GALNT2: variants seen among roughly 807,000 people sequenced by gnomAD.
GALNT2 encodes the protein UDP-GalNAc:polypeptide N-acetylgalactosaminyltransferase 2.
A neutral mutation model predicts 81.4 loss-of-function variants in GALNT2; 31 were observed. The observed-to-expected ratio is 0.38, with a 90% CI of 0.29 to 0.51. The LOEUF (loss-of-function observed/expected upper bound fraction) is 0.51, where lower values mean the gene tolerates loss of function less well. Ranked by LOEUF, GALNT2 falls within the 20% of genes least tolerant of loss-of-function variation. The pLI is 0.87. For synonymous variants in GALNT2, 303 were observed against 287.4 expected (o/e 1.05, Z -0.55); for missense variants, 629 against 765.7 (o/e 0.82, Z 2.11).
intron 2 of GALNT2, among the ~76,000 whole-genome samples, chr1:230,196,006 G>A (rs937732817): frequency 6.6e-6 from 1 of 152,224 alleles, no homozygotes; most frequent in Non-Finnish European, 1.5e-5. Flanking sequence ...TTCGTCTCCT[G>A]TCTGAGCATC....
chr1:230,101,248 A>C (rs1417517738), intron 1 of GALNT2, among the ~76,000 whole-genome samples: 1 of 152,220 alleles, frequency 6.6e-6, no homozygotes, highest in Non-Finnish European at 1.5e-5. Flanking sequence ...CGTGTATTCT[A>C]CATACTCCTA....
chr1:230,276,646 C>T (rs1313138654), intron 15 of GALNT2, among the ~76,000 whole-genome samples: 4 of 152,214 alleles, frequency 2.6e-5, no homozygotes, highest in Non-Finnish European at 4.4e-5. Context: ...TCTGGGTGCT[C>T]CTCCTTCCCT....
chr1:230,132,270 AATAG>A (rs1191946082), intron 1 of GALNT2, among the ~76,000 whole-genome samples: 1 of 152,214 alleles, frequency 6.6e-6, no homozygotes, highest in African/African-American at 2.4e-5. Context: ...ACTGCCCCGA[AATAG>A]ATAGGGGTAG....
At chr1:230,060,248 A>C (rs1659015914) in intron 1 of GALNT2, among the ~76,000 whole-genome samples, 1 of 152,108 alleles carries the variant, frequency 6.6e-6, no homozygotes, top group Non-Finnish European at 1.5e-5. Context: ...CAGAATACAT[A>C]TTTTCATTTG....
At chr1:230,218,755 T>C (rs1367526607) in intron 3 of GALNT2, among the ~76,000 whole-genome samples, 1 of 152,188 alleles carries the variant, frequency 6.6e-6, no homozygotes, top group African/African-American at 2.4e-5. Context: ...TATTTTTAAA[T>C]GTGGAGGTAT....
chr1:230,155,153 G>C (rs529173624), intron 1 of GALNT2, among the ~76,000 whole-genome samples: 2 of 152,156 alleles, frequency 1.3e-5, no homozygotes, highest in Non-Finnish European at 2.9e-5. Flanking sequence ...TATTTCCCAG[G>C]TCCTCGGTTT....
intron 1 of GALNT2, among the ~76,000 whole-genome samples, chr1:230,092,185 T>TTGTTTTTTTTTTTTG (rs1660110178): frequency 1.7e-5 from 2 of 114,286 alleles, no homozygotes; most frequent in African/African-American, 6.5e-5. Flanking sequence ...AGTTTTTTTT[T>TTGTTTTTTTTTTTTG]TTTTTTTTTT....
intron 1 of GALNT2, among the ~76,000 whole-genome samples, chr1:230,173,958 G>A (rs140221493): frequency 3.3e-5 from 5 of 152,122 alleles, no homozygotes; most frequent in Admixed American, 1.3e-4. Flanking sequence ...GGCCACCAGC[G>A]CACTTGGTAC....
chr1:230,250,673 A>ACAC, intron 10 of GALNT2, 113 bp downstream of exon 10: 1 of 676,306 alleles, frequency 1.5e-6, no homozygotes. Flanking sequence ...CACTGGGCTT[A>ACAC]ATCGATCCTT....
At chr1:230,149,911 G>A (rs1003201296) in intron 1 of GALNT2, among the ~76,000 whole-genome samples, 42 of 152,164 alleles carry the variant, frequency 2.8e-4, no homozygotes, top group African/African-American at 9.6e-4. Flanking sequence ...TTCTCCGGTG[G>A]CCATCAGATC....
At chr1:230,231,425 G>C (rs560707577) in intron 3 of GALNT2, among the ~76,000 whole-genome samples, 3 of 152,286 alleles carry the variant, frequency 2.0e-5, no homozygotes. Flanking sequence ...GGCCTGCCCA[G>C]GGTAGAGAAG....
In GALNT2 at chr1:230,173,168, G is replaced by A. The variant is rs190093774; in HGVS notation, c.127-5050G>A. On this transcript the variant is annotated intron_variant, in intron 1 of 15. Coordinates refer to ENST00000366672, the MANE Select transcript of GALNT2 (RefSeq NM_004481.5). ...GAAGACTTAGAGTTCTCTTTCTCTG[G>A]CCCAGATGCCATTTACAAAGGGAGC... Among the ~76,000 whole-genome samples the A allele has an allele frequency of 3.3e-5, 5 of 152,296 alleles. No individual in the cohort carries two copies. In the East Asian group the frequency reaches 9.6e-4, roughly 29 times the overall value.
intron 1 of GALNT2, among the ~76,000 whole-genome samples, chr1:230,069,147 G>T (rs970162216): frequency 1.3e-5 from 2 of 152,176 alleles, no homozygotes; most frequent in Non-Finnish European, 2.9e-5. Context: ...AAGCGTGCTC[G>T]TTCGCCTCCC....
At chr1:230,197,759 T>C (rs1020848095) in intron 2 of GALNT2, among the ~76,000 whole-genome samples, 2 of 152,132 alleles carry the variant, frequency 1.3e-5, no homozygotes, top group African/African-American at 4.8e-5. Flanking sequence ...TCTGTGTGTG[T>C]GTGTGCATGC....
chr1:230,236,300 A>T (rs1352795716), intron 4 of GALNT2, 53 bp from the exon 5 acceptor site: 2 of 1,568,878 alleles, frequency 1.3e-6, no homozygotes, highest in Non-Finnish European at 1.8e-6. Flanking sequence ...CCCCAGGCTA[A>T]AAGTTTATAC....
intron 3 of GALNT2, among the ~76,000 whole-genome samples, chr1:230,212,270 C>T (rs759237555): frequency 1.4e-4 from 21 of 152,104 alleles, no homozygotes; most frequent in Non-Finnish European, 3.1e-4. Flanking sequence ...TTCATACTCC[C>T]GGCTTTTAGG....
chr1:230,274,915 GTGTC>G lies in GALNT2; in HGVS notation c.1560+353_1560+356del, dbSNP rs142597953. On this transcript the variant is annotated intron_variant, in intron 15 of 15. Coordinates refer to ENST00000366672, the MANE Select transcript of GALNT2 (RefSeq NM_004481.5). ...TACTCGATACATAATGCAAGTGTGT[GTGTC>G]TATGTGTGTATATATGTGAGCATAT... Among the ~76,000 whole-genome samples, 30 of 151,970 alleles carry G rather than the reference GTGTC, an allele frequency of 2.0e-4. No homozygotes were observed. The East Asian group carries it at 5.4e-3, about 27-fold the overall frequency.
intron 1 of GALNT2, among the ~76,000 whole-genome samples, chr1:230,127,161 G>A (rs976968485): frequency 2.6e-5 from 4 of 152,014 alleles, no homozygotes; most frequent in African/African-American, 4.8e-5. Context: ...TACTTTACTC[G>A]GAAACAGTGA....
At chr1:230,154,023 G>A (rs1327394371) in intron 1 of GALNT2, among the ~76,000 whole-genome samples, 1 of 152,256 alleles carries the variant, frequency 6.6e-6, no homozygotes, top group African/African-American at 2.4e-5. Context: ...TTCACCCATT[G>A]TTTGGAGAAT....
Sources: gnomAD v4.1 joint callset for allele counts (sites outside exome capture counted in the v4.1 genomes callset) on GRCh38, gnomAD v4.1.1 for gene constraint, MANE v1.5 for transcripts, NCBI Gene and HGNC (gene_info 2026-07-23, HGNC 2026-07-21) for gene names.